The following UNC45B variants were observed in gnomAD, a reference collection of about 807,000 sequenced individuals.
The protein encoded by UNC45B is protein unc-45 homolog B.
Under a neutral mutation model 98.7 loss-of-function variants are expected in UNC45B, and 78 were observed. The observed-to-expected ratio is 0.79, with a 90% CI of 0.66 to 0.95. The LOEUF (loss-of-function observed/expected upper bound fraction) is 0.95. Ranked by LOEUF, UNC45B falls within the 40% of genes least tolerant of loss-of-function variation. The probability of loss-of-function intolerance (pLI) is 0.00; values close to 1 mark genes in which losing one functional copy is unlikely to be tolerated. For synonymous variants in UNC45B, 462 were observed against 480.4 expected (o/e 0.96, Z 0.50); for missense variants, 1,225 against 1,184.9 (o/e 1.03, Z -0.50).
At chr17:35,152,771 G>C (rs2092029487) in intron 4 of UNC45B, 122 bp from the exon 5 acceptor site, 1 of 771,298 alleles carries the variant, frequency 1.3e-6, no homozygotes, top group Non-Finnish European at 2.4e-6. Context: ...ATGAATACAT[G>C]AATGAACGTA....
At chr17:35,149,443 G>A (rs2092000710) in intron 3 of UNC45B, among the ~76,000 whole-genome samples, 1 of 152,076 alleles carries the variant, frequency 6.6e-6, no homozygotes, top group African/African-American at 2.4e-5. Flanking sequence ...TTGAGATGGA[G>A]TCTTGCTCTG....
chr17:35,181,678 C>T (rs906224563), intron 18 of UNC45B, among the ~76,000 whole-genome samples: 3 of 151,518 alleles, frequency 2.0e-5, no homozygotes, highest in African/African-American at 7.3e-5. Flanking sequence ...GTAATCCCAG[C>T]TACTCGGGAG....
At chr17:35,169,010 AATTATT>A (rs1354737354) in intron 10 of UNC45B, among the ~76,000 whole-genome samples, 2 of 150,980 alleles carry the variant, frequency 1.3e-5, no homozygotes, top group African/African-American at 4.9e-5. Context: ...CCTGGCCTGA[AATTATT>A]ATTATTATTA....
intron 19 of UNC45B, among the ~76,000 whole-genome samples, chr17:35,185,690 A>T (rs1368032768): frequency 6.6e-6 from 1 of 151,948 alleles, no homozygotes; most frequent in African/African-American, 2.4e-5. Flanking sequence ...CCTCCATACT[A>T]AGCTCTTTCC....
In UNC45B at chr17:35,159,359, TC is replaced by T; in HGVS notation, c.809-14del. ...TTCCTACCCCTCTCTACTTACCCCG[TC>T]CTCTTTTTCTTCAGACACCAAGAAG... On this transcript the variant is annotated splice_polypyrimidine_tract_variant and intron_variant, in intron 7 of 19. Transcript: ENST00000394570. The T allele has an allele frequency of 6.2e-7, 1 of 1,607,800 alleles. No individual in the cohort carries two copies. The highest frequency in any genetic ancestry group is 8.5e-7 in the Non-Finnish European group (1 of 1,175,710).
chr17:35,184,188 A>G (rs1412026520), intron 19 of UNC45B, among the ~76,000 whole-genome samples: 1 of 152,180 alleles, frequency 6.6e-6, no homozygotes, highest in East Asian at 1.9e-4. Flanking sequence ...GCTCTTCTAG[A>G]TAGTCAGTGT....
intron 14 of UNC45B, among the ~76,000 whole-genome samples, chr17:35,174,969 AAG>A (rs1220077422): frequency 6.7e-6 from 1 of 148,432 alleles, no homozygotes; most frequent in African/African-American, 2.5e-5. Flanking sequence ...AAGAGAAAGA[AAG>A]AGGAAGAAAG....
intron 19 of UNC45B, 94 bp downstream of exon 19, chr17:35,183,676 C>T: frequency 7.6e-7 from 1 of 1,308,020 alleles, no homozygotes; most frequent in African/African-American, 1.5e-5. Context: ...GGGAGGCCAA[C>T]TCCTAAAGAA....
rs192707801 is a variant in UNC45B at position 35,155,790 on chromosome 17, A to C, written c.808+326A>C. ...TCTTCATGTTGGCCAGGCTGGTCTCAAACTCCAGACCTCAGGTGATCTGCC... is the reference window on the plus strand; with the variant it reads ...TCTTCATGTTGGCCAGGCTGGTCTCCAACTCCAGACCTCAGGTGATCTGCC... On this transcript the variant is annotated intron_variant, in intron 7 of 19. Transcript: ENST00000394570. Among the ~76,000 whole-genome samples the C allele has an allele frequency of 3.0e-3, 463 of 152,220 alleles. 2 individuals carry two copies. The highest frequency in any genetic ancestry group is 0.011 in the African/African-American group (449 of 41,554).
In UNC45B at chr17:35,189,056, G is replaced by GT. The variant is rs2092318976; in HGVS notation, c.*2502dup. The GT allele has an allele frequency of 6.6e-6, 1 of 151,990 alleles. No homozygotes were observed. Among genetic ancestry groups the GT allele is most frequent in the South Asian group, 2.1e-4 (1 of 4,812 alleles). The allele number at this position is 151,990 out of a possible 1,614,324, so 9.4% of individuals were successfully genotyped here. A position where few individuals can be genotyped will look rare whatever the true frequency, so the allele number is the denominator to read the frequency against. ...CAGCCAATACCTGCCAACTTTCTAGGTTTTTCCAACCAATTCTCTTACAGA... is the reference window on the plus strand; with the variant it reads ...CAGCCAATACCTGCCAACTTTCTAGGTTTTTTCCAACCAATTCTCTTACAGA... On this transcript the variant is annotated 3_prime_UTR_variant, in exon 20 of 20. Transcript: ENST00000394570.
intron 8 of UNC45B, among the ~76,000 whole-genome samples, chr17:35,160,895 C>T (rs1427217298): frequency 1.3e-5 from 2 of 152,218 alleles, no homozygotes; most frequent in East Asian, 3.8e-4. Context: ...GGTTTTATGA[C>T]ACACAGACTA....
chr17:35,177,616 T>A lies in UNC45B; in HGVS notation c.2255+6T>A. ...GGGCGGAGTGACAAACTCCGGTGAG[T>A]GTGGTGAGTGTGGCAGGGGTGGAGA... On this transcript the variant is annotated splice_donor_region_variant and intron_variant, in intron 17 of 19. Transcript: ENST00000394570. 1 of 1,545,330 alleles carries A rather than the reference T, an allele frequency of 6.5e-7. No individual in the cohort carries two copies. Among genetic ancestry groups the A allele is most frequent in the East Asian group, 2.4e-5 (1 of 40,946 alleles).
Position 35,159,402 on chromosome 17 carries a change from C to A in UNC45B, c.836C>A (p.Thr279Asn). 5 of 1,613,832 alleles carry A rather than the reference C, an allele frequency of 3.1e-6. No individual in the cohort carries two copies. The highest frequency in any genetic ancestry group is 4.2e-6 in the Non-Finnish European group (5 of 1,179,800). The change falls in exon 8 of 20, where the codon ACC becomes AAC. Residue 279 changes from threonine to asparagine, a missense_variant. Thr to Asn is a moderately conservative substitution (Grantham distance 65). Transcript: ENST00000394570. ...LDTKKDLKQI[T>N]SHLLDMLVSK... ...ACCAAGAAGGACCTGAAGCAGATCA[C>A]CAGCCACCTGCTGGACATGCTAGTC...
chr17:35,156,396 G>A (rs1461572479), intron 7 of UNC45B, among the ~76,000 whole-genome samples: 1 of 152,170 alleles, frequency 6.6e-6, no homozygotes, highest in African/African-American at 2.4e-5. Context: ...GGGAGGCCGA[G>A]GTGGATGGAT....
chr17:35,176,902 C>A, intron 15 of UNC45B, 115 bp from the exon 16 acceptor site: 1 of 722,568 alleles, frequency 1.4e-6, no homozygotes, highest in Non-Finnish European at 2.4e-6. Context: ...GCTGATTATA[C>A]GGCAGAATTT....
At chr17:35,151,830 G>C (rs2092021761) in intron 4 of UNC45B, among the ~76,000 whole-genome samples, 1 of 152,226 alleles carries the variant, frequency 6.6e-6, no homozygotes, top group South Asian at 2.1e-4. Flanking sequence ...TGGGTGTGGT[G>C]GCTCACGCCT....
At chr17:35,161,940 A>G (rs2092105406) in intron 8 of UNC45B, among the ~76,000 whole-genome samples, 1 of 152,216 alleles carries the variant, frequency 6.6e-6, no homozygotes, top group African/African-American at 2.4e-5. Context: ...AAGGGGCTTA[A>G]AGTGCTCCCA....
In UNC45B at chr17:35,180,686, G is replaced by A. The variant is rs768637519; in HGVS notation, c.2373+10G>A. On this transcript the variant is annotated intron_variant, in intron 18 of 19. Coordinates refer to ENST00000394570, the MANE Select transcript of UNC45B (RefSeq NM_001267052.2). ...GGTGCTCCACAAGGAGGTGAGGCAG[G>A]GGCTCAGGATGGAGACCCGGGCGTG... 2 of 1,610,294 alleles carry A rather than the reference G, an allele frequency of 1.2e-6. No individual in the cohort carries two copies. Among genetic ancestry groups the A allele is most frequent in the East Asian group, 4.5e-5 (2 of 44,734 alleles).
chr17:35,166,104 A>AAAAAAAAAAAAAAAAAAAAAG (rs2092138313), intron 9 of UNC45B, among the ~76,000 whole-genome samples: 1 of 147,828 alleles, frequency 6.8e-6, no homozygotes, highest in Non-Finnish European at 1.5e-5. Context: ...AAAAAAAAAA[A>AAAAAAAAAAAAAAAAAAAAAG]AAAAAAATTA....
Sources: gnomAD v4.1 joint callset for allele counts (sites outside exome capture counted in the v4.1 genomes callset) on GRCh38, gnomAD v4.1.1 for gene constraint, MANE v1.5 for transcripts, NCBI Gene and HGNC (gene_info 2026-07-23, HGNC 2026-07-21) for gene names.